The following CSMD1 variants were observed in gnomAD, a reference collection of about 807,000 sequenced individuals.
CSMD1 encodes CUB and sushi domain-containing protein 1.
A neutral mutation model predicts 417.5 loss-of-function variants in CSMD1; 213 were observed. The observed-to-expected ratio is 0.51, with a 90% CI of 0.46 to 0.57. CSMD1 has a LOEUF of 0.57. Ranked by LOEUF, CSMD1 falls within the 20% of genes least tolerant of loss-of-function variation. CSMD1 has a pLI of 0.00. For synonymous variants in CSMD1, 2,862 were observed against 1,736.8 expected (o/e 1.65, Z -16.11); for missense variants, 6,923 against 4,529.7 (o/e 1.53, Z -15.17).
chr8:4,704,323 T>G, intron 1 of CSMD1, among the ~76,000 whole-genome samples: 1 of 152,266 alleles, frequency 6.6e-6, no homozygotes, highest in East Asian at 1.9e-4. Context: ...AGTGTCTTAC[T>G]GTACTCACAA....
chr8:4,948,653 G>T (rs1808529041), intron 1 of CSMD1, among the ~76,000 whole-genome samples: 1 of 151,898 alleles, frequency 6.6e-6, no homozygotes, highest in Admixed American at 6.6e-5. Flanking sequence ...TTATAAATAT[G>T]TTGCTAGGTT....
In CSMD1 at chr8:3,223,739, T is replaced by A; in HGVS notation, c.4474A>T (p.Ile1492Leu). 1 of 1,613,876 alleles carries A rather than the reference T, an allele frequency of 6.2e-7. No individual in the cohort carries two copies. Reference protein sequence around the residue: ...KVNPDFVIALIFKSFNMEPSY... With the variant: ...KVNPDFVIALLFKSFNMEPSY... Reference sequence around the variant, plus strand: ...TGCAAGAGACGGTACCTTTTGAATATCAAGGCGATGACAAAGTCCGGGTTC... The same window carrying A: ...TGCAAGAGACGGTACCTTTTGAATAACAAGGCGATGACAAAGTCCGGGTTC... The change falls in exon 28 of 70, where the codon ATA (isoleucine) becomes TTA (leucine). Residue 1492 changes from isoleucine (I) to leucine (L), a missense_variant. Transcript: ENST00000635120.
At chr8:3,830,970 T>G (rs951988644) in intron 5 of CSMD1, among the ~76,000 whole-genome samples, 5 of 152,154 alleles carry the variant, frequency 3.3e-5, no homozygotes, top group Admixed American at 1.3e-4. Flanking sequence ...CTAGGACGAT[T>G]AACACATGGT....
intron 22 of CSMD1, among the ~76,000 whole-genome samples, chr8:3,347,307 C>A (rs891802896): frequency 2.0e-5 from 3 of 152,322 alleles, no homozygotes; most frequent in Admixed American, 6.5e-5. Flanking sequence ...TATTGAAATA[C>A]TTACAGGAGA....
intron 3 of CSMD1, among the ~76,000 whole-genome samples, chr8:4,186,498 G>A (rs901406687): frequency 4.0e-5 from 6 of 151,830 alleles, no homozygotes; most frequent in African/African-American, 1.5e-4. Context: ...TAAATAAGAT[G>A]GAATTTAATT....
At chr8:4,282,527 C>A (rs75234734) in intron 3 of CSMD1, among the ~76,000 whole-genome samples, 3,406 of 152,258 alleles carry the variant, frequency 0.022, 53 homozygotes, top group Non-Finnish European at 0.028. Context: ...GTTTGTAAAG[C>A]AACTAATGTG....
At chr8:4,243,654 C>T (rs952907952) in intron 3 of CSMD1, among the ~76,000 whole-genome samples, 4 of 152,070 alleles carry the variant, frequency 2.6e-5, no homozygotes, top group Non-Finnish European at 5.9e-5. Context: ...TCTTAAAACA[C>T]ATGTGTGATA....
At chr8:3,772,307 T>G (rs189703681) in intron 5 of CSMD1, among the ~76,000 whole-genome samples, 22,161 of 124,544 alleles carry the variant, frequency 0.18, 4,549 homozygotes, top group Non-Finnish European at 0.26. Context: ...GTACATATAT[T>G]TAGACATACA....
intron 3 of CSMD1, among the ~76,000 whole-genome samples, chr8:4,293,088 C>G (rs1797463411): frequency 6.6e-6 from 1 of 152,156 alleles, no homozygotes; most frequent in South Asian, 2.1e-4. Context: ...ATGCACTGCA[C>G]ATGCGGAAAC....
At chr8:4,052,492 T>G (rs1045796380) in intron 3 of CSMD1, among the ~76,000 whole-genome samples, 1 of 152,050 alleles carries the variant, frequency 6.6e-6, no homozygotes, top group Non-Finnish European at 1.5e-5. Context: ...AGGGTCAGAG[T>G]GCAGTGGGAG....
chr8:3,863,880 T>C (rs1804898461), intron 5 of CSMD1, among the ~76,000 whole-genome samples: 1 of 152,206 alleles, frequency 6.6e-6, no homozygotes, highest in Non-Finnish European at 1.5e-5. Context: ...TTTCAAAGAT[T>C]CGTATGATGA....
chr8:4,339,025 C>A (rs1360976531), intron 3 of CSMD1, among the ~76,000 whole-genome samples: 1 of 152,024 alleles, frequency 6.6e-6, no homozygotes, highest in East Asian at 1.9e-4. Flanking sequence ...CTGTGAGGCT[C>A]AATTGCTGTA....
At chr8:3,399,598 T>A (rs1811916359) in intron 15 of CSMD1, 69 bp from the exon 16 acceptor site, 2 of 1,218,794 alleles carry the variant, frequency 1.6e-6, no homozygotes, top group Non-Finnish European at 2.2e-6. Flanking sequence ...AATACCCGGA[T>A]AAAAGCCAGA....
chr8:3,819,737 T>A (rs928148127), intron 5 of CSMD1, among the ~76,000 whole-genome samples: 1 of 152,232 alleles, frequency 6.6e-6, no homozygotes. Context: ...CAGGCACATG[T>A]GGTACCATGA....
At chr8:3,340,118 C>A (rs888254984) in intron 23 of CSMD1, among the ~76,000 whole-genome samples, 3 of 152,086 alleles carry the variant, frequency 2.0e-5, no homozygotes, top group Non-Finnish European at 4.4e-5. Context: ...TGAGGATCAC[C>A]GAAAATCGTT....
intron 51 of CSMD1, among the ~76,000 whole-genome samples, chr8:3,021,623 T>A (rs557277975): frequency 6.6e-6 from 1 of 152,358 alleles, no homozygotes; most frequent in African/African-American, 2.4e-5. Flanking sequence ...GCTGACAGCA[T>A]CCGGAAATCA....
chr8:4,091,628 C>T (rs1172915138), intron 3 of CSMD1, among the ~76,000 whole-genome samples: 1 of 152,122 alleles, frequency 6.6e-6, no homozygotes, highest in Non-Finnish European at 1.5e-5. Flanking sequence ...GAAAACAATT[C>T]CAATAAAGAG....
intron 3 of CSMD1, among the ~76,000 whole-genome samples, chr8:4,197,689 G>C (rs1320491014): frequency 2.6e-5 from 4 of 152,280 alleles, no homozygotes; most frequent in Admixed American, 6.5e-5. Context: ...GGCCAGCTTG[G>C]CCAACATAGT....
chr8:4,073,458 G>A (rs961339251), intron 3 of CSMD1, among the ~76,000 whole-genome samples: 1 of 152,096 alleles, frequency 6.6e-6, no homozygotes. Context: ...GTCTTACTTA[G>A]ATTCTATTTT....
Sources: gnomAD v4.1 joint callset for allele counts (sites outside exome capture counted in the v4.1 genomes callset) on GRCh38, gnomAD v4.1.1 for gene constraint, MANE v1.5 for transcripts, NCBI Gene and HGNC (gene_info 2026-07-23, HGNC 2026-07-21) for gene names.